Variants in LARGE1 observed in about 807,000 individuals in gnomAD.
LARGE1 encodes the protein xylosyl- and glucuronyltransferase LARGE1.
A neutral mutation model predicts 87.6 loss-of-function variants in LARGE1; 43 were observed. The ratio of observed to expected loss-of-function variants is 0.49; its 90% CI spans 0.38 to 0.63. The LOEUF is 0.63. Among genes scored for constraint, LARGE1 ranks in the 30% least tolerant of loss-of-function variants. LARGE1 has a pLI of 0.00. For synonymous variants in LARGE1, 434 were observed against 394.6 expected (o/e 1.10, Z -1.18); for missense variants, 802 against 1,000.2 (o/e 0.80, Z 2.67).
intron 2 of LARGE1, among the ~76,000 whole-genome samples, chr22:33,667,536 T>A (rs1223742177): frequency 6.6e-6 from 1 of 152,124 alleles, no homozygotes; most frequent in East Asian, 1.9e-4. Context: ...CTGATTGTAA[T>A]GAGAAAGCCA....
intron 7 of LARGE1, among the ~76,000 whole-genome samples, chr22:33,395,225 T>TAAAAA (rs1250520985): frequency 3.1e-5 from 1 of 32,012 alleles, no homozygotes; most frequent in Admixed American, 4.4e-4. Flanking sequence ...CGACTCTGCC[T>TAAAAA]CAAAAAAAAA....
chr22:33,750,490 A>G (rs2084272546), intron 2 of LARGE1: 1 of 152,246 alleles, frequency 6.6e-6, no homozygotes, highest in South Asian at 2.1e-4. Flanking sequence ...CGATAAATAG[A>G]AACGATTGCT....
In LARGE1 at chr22:33,464,911, ACATG is replaced by A. The variant is rs371579155; in HGVS notation, c.788-32650_788-32647del. Among the ~76,000 whole-genome samples the A allele has an allele frequency of 5.3e-4, 78 of 146,922 alleles. 1 individual carries two copies. Among genetic ancestry groups the A allele is most frequent in the African/African-American group, 2.1e-3 (77 of 36,812 alleles). ...CACACATACACACACACACACATACACATGCACACATACATGCACGTACACATAC... is the reference window on the plus strand; with the variant it reads ...CACACATACACACACACACACATACACACACATACATGCACGTACACATAC... On this transcript the variant is annotated intron_variant, in intron 6 of 14. Coordinates refer to ENST00000397394, the MANE Select transcript of LARGE1 (RefSeq NM_133642.5).
At chr22:33,494,142 G>T (rs1428516596) in intron 6 of LARGE1, among the ~76,000 whole-genome samples, 1 of 152,228 alleles carries the variant, frequency 6.6e-6, no homozygotes, top group Non-Finnish European at 1.5e-5. Flanking sequence ...CTCAACAGCT[G>T]TATAAAGCTG....
chr22:33,726,299 T>A (rs2083271614), intron 2 of LARGE1: 1 of 152,162 alleles, frequency 6.6e-6, no homozygotes, highest in Non-Finnish European at 1.5e-5. Flanking sequence ...GGATGAAAAG[T>A]AGTCCTAAGC....
chr22:33,227,402 C>G (rs1925795270), intron 11 of LARGE1, among the ~76,000 whole-genome samples: 1 of 152,184 alleles, frequency 6.6e-6, no homozygotes, highest in Admixed American at 6.5e-5. Flanking sequence ...TGTGTCCACT[C>G]TTTCCATCAT....
At chr22:33,196,159 C>T (rs986223974) in intron 11 of LARGE1, among the ~76,000 whole-genome samples, 6 of 148,070 alleles carry the variant, frequency 4.1e-5, no homozygotes, top group African/African-American at 9.9e-5. Context: ...GGATAAAAAC[C>T]GGTATCAACA....
the LARGE1 span, among the ~76,000 whole-genome samples, chr22:33,156,190 C>A: frequency 6.6e-6 from 1 of 152,168 alleles, no homozygotes; most frequent in Non-Finnish European, 1.5e-5. Context: ...CCTATTGGGG[C>A]ACTGCCTAGT....
intron 1 of LARGE1, among the ~76,000 whole-genome samples, chr22:33,846,028 TAC>T (rs748573376): frequency 2.8e-4 from 43 of 152,242 alleles, no homozygotes; most frequent in Non-Finnish European, 4.4e-4. Context: ...GCTGTTTTTC[TAC>T]AGAGTTTTCC....
At chr22:33,324,496 G>A (rs1937072205) in intron 10 of LARGE1, among the ~76,000 whole-genome samples, 1 of 152,084 alleles carries the variant, frequency 6.6e-6, no homozygotes, top group South Asian at 2.1e-4. Flanking sequence ...AGAAACAAAA[G>A]ACAGATTTCT....
chr22:33,641,640 G>C (rs184681983), intron 3 of LARGE1, among the ~76,000 whole-genome samples: 1 of 152,154 alleles, frequency 6.6e-6, no homozygotes, highest in East Asian at 1.9e-4. Flanking sequence ...CTTGAAAAAA[G>C]GTTACAGGAA....
intron 1 of LARGE1, among the ~76,000 whole-genome samples, chr22:33,779,787 CAAAAAAATTAA>C (rs140480489): frequency 0.23 from 30,991 of 137,104 alleles, 4,123 homozygotes; most frequent in East Asian, 0.45. Context: ...ACTCTTGTTT[CAAAAAAATTAA>C]AAAAAAATTA....
chr22:33,320,530 T>C (rs923794854), intron 10 of LARGE1, among the ~76,000 whole-genome samples: 1 of 152,200 alleles, frequency 6.6e-6, no homozygotes, highest in Non-Finnish European at 1.5e-5. Context: ...GGTGAGACTG[T>C]GACATTTTAC....
chr22:33,633,380 T>G (rs2080168385), intron 3 of LARGE1, among the ~76,000 whole-genome samples: 1 of 152,106 alleles, frequency 6.6e-6, no homozygotes, highest in African/African-American at 2.4e-5. Context: ...CAGCCTGGAC[T>G]TGTGACTCTT....
At chr22:33,541,589 G>A (rs971421426) in intron 6 of LARGE1, among the ~76,000 whole-genome samples, 3 of 152,118 alleles carry the variant, frequency 2.0e-5, no homozygotes, top group African/African-American at 7.2e-5. Flanking sequence ...GATGCCTCCA[G>A]CAGAGCAATC....
chr22:33,075,185 A>G, the LARGE1 span, among the ~76,000 whole-genome samples: 1 of 152,170 alleles, frequency 6.6e-6, no homozygotes, highest in Non-Finnish European at 1.5e-5. Context: ...TGAAATAGCT[A>G]TGTTTCTGTA....
the LARGE1 span, among the ~76,000 whole-genome samples, chr22:33,112,745 G>A: frequency 2.0e-5 from 3 of 152,142 alleles, no homozygotes; most frequent in Non-Finnish European, 4.4e-5. Flanking sequence ...GAACAGGTGG[G>A]GCAAGCAGGC....
At position 33,450,793 on chromosome 22, in the gene LARGE1, G is replaced by A. The variant is rs141412694; in HGVS notation, c.788-18528C>T. 2.5e-3 allele frequency among the ~76,000 whole-genome samples: 381 copies of A among 152,200 alleles called. 2 individuals carry two copies. The highest frequency in any genetic ancestry group is 8.1e-3 in the African/African-American group (338 of 41,522). On this transcript the variant is annotated intron_variant, in intron 6 of 14. Transcript: ENST00000397394. Reference sequence around the variant, plus strand: ...CAGATGAGTAAAGGCCAGAACCCTTGTTTCCTAACAAAACTGTCCTTATGA... The same window carrying A: ...CAGATGAGTAAAGGCCAGAACCCTTATTTCCTAACAAAACTGTCCTTATGA...
At chr22:33,517,973 A>G (rs1049455327) in intron 6 of LARGE1, among the ~76,000 whole-genome samples, 1 of 151,866 alleles carries the variant, frequency 6.6e-6, no homozygotes, top group Admixed American at 6.6e-5. Context: ...CCCCAAATTC[A>G]CTCTCCTTGC....
Sources: allele counts gnomAD v4.1 joint callset (sites outside exome capture counted in the v4.1 genomes callset), GRCh38; gene constraint gnomAD v4.1.1; transcripts MANE v1.5; gene names NCBI Gene and HGNC (gene_info 2026-07-23, HGNC 2026-07-21).